MME: variants seen among roughly 807,000 people sequenced by gnomAD.
MME encodes the protein membrane metalloendopeptidase, also known as neprilysin.
MME carries 98 observed loss-of-function variants against 113.2 expected under a neutral mutation model. The observed-to-expected ratio is 0.87, with a 90% CI of 0.74 to 1.02. The LOEUF is 1.02. Among genes scored for constraint, MME ranks in the 50% least tolerant of loss-of-function variants. The probability of loss-of-function intolerance (pLI) is 0.00; values close to 1 mark genes in which losing one functional copy is unlikely to be tolerated. For synonymous variants in MME, 292 were observed against 300.6 expected, an observed-to-expected ratio of 0.97 and a Z score of 0.30; for missense variants, 836 against 896.0, an observed-to-expected ratio of 0.93 and a Z score of 0.86.
chr3:155,116,871 C>T lies in MME; in HGVS notation c.539C>T (p.Ala180Val). 1 of 1,599,938 alleles carries T rather than the reference C, an allele frequency of 6.3e-7. No homozygotes were observed. The highest frequency in any genetic ancestry group is 8.6e-7 in the Non-Finnish European group (1 of 1,167,574). ...ATTTTATCTTTTATTGCTTTAGGTGCTTCTTGGACAGCTGAAAAAGCTATT... is the reference window on the plus strand; with the variant it reads ...ATTTTATCTTTTATTGCTTTAGGTGTTTCTTGGACAGCTGAAAAAGCTATT... ...ATENWEQKYG[A>V]SWTAEKAIAQ... Residue 180 changes from alanine (A) to valine (V), a missense_variant, in exon 7 of 23, where the codon GCT (alanine) becomes GTT (valine). Physicochemically the swap from Ala to Val is moderately conservative, Grantham distance 64. Transcript: ENST00000360490.
chr3:155,119,115 C>T (rs1197610686), intron 8 of MME, among the ~76,000 whole-genome samples: 1 of 152,136 alleles, frequency 6.6e-6, no homozygotes, highest in Admixed American at 6.5e-5. Flanking sequence ...CACCTGTAAA[C>T]TGCATTATTT....
intron 8 of MME, among the ~76,000 whole-genome samples, chr3:155,124,712 C>T (rs1719454728): frequency 6.6e-6 from 1 of 151,436 alleles, no homozygotes; most frequent in Non-Finnish European, 1.5e-5. Context: ...CTGGGGGGTG[C>T]CTCCCAGTTA....
rs377647077 is a variant in MME, at chr3:155,093,580, G to A, written c.196+8486G>A. On this transcript the variant is annotated intron_variant, in intron 3 of 22. Coordinates refer to ENST00000360490, the MANE Select transcript of MME (RefSeq NM_007289.4). ...CTGATAGAAAGTCAAGAGCCAGGAC[G>A]GGCGTTTTGGCTCACGTCTATAATC... Among the ~76,000 whole-genome samples the A allele has an allele frequency of 2.3e-4, 35 of 152,252 alleles. No individual in the cohort carries two copies. In the South Asian group the frequency reaches 5.4e-3, roughly 23 times the overall value.
intron 8 of MME, among the ~76,000 whole-genome samples, chr3:155,127,038 G>GTTC (rs913482143): frequency 1.8e-4 from 27 of 149,964 alleles, no homozygotes; most frequent in African/African-American, 5.4e-4. Flanking sequence ...AAGGGCATTT[G>GTTC]TTCTCCAGGT....
chr3:155,144,908 G>A (rs1044381595), intron 14 of MME, among the ~76,000 whole-genome samples: 5 of 152,140 alleles, frequency 3.3e-5, no homozygotes, highest in Middle Eastern at 3.4e-3. Flanking sequence ...AATAACTAGG[G>A]GGAACATGTC....
chr3:155,104,619 A>G (rs917779750), intron 3 of MME, among the ~76,000 whole-genome samples: 1 of 152,226 alleles, frequency 6.6e-6, no homozygotes, highest in Non-Finnish European at 1.5e-5. Flanking sequence ...TTGACAGACA[A>G]TATGATCCAA....
Position 155,181,768 on chromosome 3 carries a change from G to C in MME, c.*1309G>C, listed in dbSNP as rs138965993. 1.3e-5 allele frequency: 2 copies of C among 151,940 alleles called. No individual in the cohort carries two copies. Among genetic ancestry groups the C allele is most frequent in the African/African-American group, 4.8e-5 (2 of 41,364 alleles). 9.4% of individuals were successfully genotyped at this position (151,940 alleles called of 1,614,324 possible). On this transcript the variant is annotated 3_prime_UTR_variant, in exon 23 of 23. Coordinates refer to ENST00000360490, the MANE Select transcript of MME (RefSeq NM_007289.4). ...TGTTCCTCTCTTTTCCTGTTGTATT[G>C]ACTATTTTCGTTCATTACTTGATTA...
intron 13 of MME, 89 bp from the exon 14 acceptor site, chr3:155,144,270 T>C: frequency 1.1e-6 from 1 of 884,278 alleles, no homozygotes; most frequent in Non-Finnish European, 1.9e-6. Flanking sequence ...TATTAAGTCA[T>C]ACAAAGATAG....
At chr3:155,033,352 G>C (rs1713033866) in intron 1 of MME, among the ~76,000 whole-genome samples, 1 of 152,152 alleles carries the variant, frequency 6.6e-6, no homozygotes, top group African/African-American at 2.4e-5. Flanking sequence ...CGTTAGAATA[G>C]ACAATATTGC....
At chr3:155,129,815 A>G (rs565773044) in intron 8 of MME, among the ~76,000 whole-genome samples, 120 of 152,246 alleles carry the variant, frequency 7.9e-4, no homozygotes, top group Non-Finnish European at 1.5e-3. Context: ...ATGCTAGGAA[A>G]ACAATACGAA....
chr3:155,037,893 A>G (rs1713176910), intron 1 of MME, among the ~76,000 whole-genome samples: 1 of 152,066 alleles, frequency 6.6e-6, no homozygotes, highest in African/African-American at 2.4e-5. Context: ...AAAAGAGAGG[A>G]AATGGAGACA....
At position 155,101,153 on chromosome 3, in the gene MME, A is replaced by G. The variant is rs144686691; in HGVS notation, c.197-13841A>G. On this transcript the variant is annotated intron_variant, in intron 3 of 22. Coordinates refer to ENST00000360490, the MANE Select transcript of MME (RefSeq NM_007289.4). ...TCCTCCTTCACGTTCTCTCATAAGT[A>G]AAAGCTCCCTGAGGCCTCCCAAAAA... Among the ~76,000 whole-genome samples, 7 of 152,262 alleles carry G rather than the reference A, an allele frequency of 4.6e-5. No homozygotes were observed. The East Asian group carries it at 1.2e-3, about 25-fold the overall frequency.
At chr3:155,032,530 G>T (rs184482097) in intron 1 of MME, among the ~76,000 whole-genome samples, 28 of 152,330 alleles carry the variant, frequency 1.8e-4, no homozygotes, top group African/African-American at 6.5e-4. Flanking sequence ...GAATTAGGTT[G>T]CTTGAATACA....
At chr3:155,148,901 C>A (rs938384012) in intron 16 of MME, among the ~76,000 whole-genome samples, 1 of 152,154 alleles carries the variant, frequency 6.6e-6, no homozygotes, top group African/African-American at 2.4e-5. Flanking sequence ...CGTCTTATGT[C>A]ATTGCCTATC....
chr3:155,167,417 A>T (rs9864287), intron 18 of MME, among the ~76,000 whole-genome samples: 67,674 of 151,814 alleles, frequency 0.45, 16,572 homozygotes, highest in African/African-American at 0.66. Flanking sequence ...CAAGAGCTCA[A>T]AAGACTCTTA....
chr3:155,049,780 A>G (rs1278794783), intron 1 of MME, among the ~76,000 whole-genome samples: 1 of 152,068 alleles, frequency 6.6e-6, no homozygotes, highest in Non-Finnish European at 1.5e-5. Context: ...GGAAGAAAGA[A>G]AATTCTCATT....
intron 8 of MME, among the ~76,000 whole-genome samples, chr3:155,121,364 A>T (rs1314068460): frequency 6.6e-6 from 1 of 150,818 alleles, no homozygotes; most frequent in Admixed American, 6.6e-5. Flanking sequence ...TTCTGCAAAC[A>T]GGGACAATTT....
chr3:155,097,918 G>T (rs1306267482), intron 3 of MME, among the ~76,000 whole-genome samples: 1 of 152,186 alleles, frequency 6.6e-6, no homozygotes, highest in Non-Finnish European at 1.5e-5. Context: ...CCAGGCAGTT[G>T]TGGGGTTTCT....
intron 8 of MME, among the ~76,000 whole-genome samples, chr3:155,126,408 C>CT (rs11340092): frequency 8.8e-5 from 13 of 148,114 alleles, no homozygotes; most frequent in East Asian, 7.9e-4. Flanking sequence ...GCAGTAAAAG[C>CT]TTTTTTTTTT....
Sources: allele counts gnomAD v4.1 joint callset (sites outside exome capture counted in the v4.1 genomes callset), GRCh38; gene constraint gnomAD v4.1.1; transcripts MANE v1.5; gene names NCBI Gene and HGNC (gene_info 2026-07-23, HGNC 2026-07-21).